Variants in MGMT observed in about 807,000 individuals in gnomAD.
The protein encoded by MGMT is O-6-methylguanine-DNA methyltransferase.
MGMT carries 14 observed loss-of-function variants against 15.9 expected under a neutral mutation model. That is an observed-to-expected ratio of 0.88 (90% CI 0.58 to 1.37). MGMT has a LOEUF of 1.37. Ranked by LOEUF, MGMT falls within the 40% of genes most tolerant of loss-of-function variation. The pLI is 0.00. For missense variants in MGMT, 282 were observed against 268.1 expected, an observed-to-expected ratio of 1.05 and a Z score of -0.36; for synonymous variants, 130 against 118.2, an observed-to-expected ratio of 1.10 and a Z score of -0.65.
chr10:129,740,716 C>T (rs1338696299), intron 3 of MGMT, among the ~76,000 whole-genome samples: 2 of 152,022 alleles, frequency 1.3e-5, no homozygotes, highest in Admixed American at 6.5e-5. Flanking sequence ...TTCAGGAGAG[C>T]GCTGGCCCCA....
At chr10:129,753,219 A>C (rs985549918) in intron 3 of MGMT, among the ~76,000 whole-genome samples, 2 of 152,132 alleles carry the variant, frequency 1.3e-5, no homozygotes, top group Non-Finnish European at 2.9e-5. Context: ...TGCCTTGTAC[A>C]TAATGCATTG....
At chr10:129,585,937 G>T (rs1305274332) in intron 2 of MGMT, among the ~76,000 whole-genome samples, 1 of 152,108 alleles carries the variant, frequency 6.6e-6, no homozygotes, top group Non-Finnish European at 1.5e-5. Context: ...TGGGTGACTT[G>T]AACACAAGCA....
intron 2 of MGMT, among the ~76,000 whole-genome samples, chr10:129,686,057 A>C (rs1420472612): frequency 6.6e-6 from 1 of 152,226 alleles, no homozygotes; most frequent in African/African-American, 2.4e-5. Context: ...TTTAATGTCA[A>C]TTATAAAGAA....
intron 1 of MGMT, among the ~76,000 whole-genome samples, chr10:129,523,690 T>C (rs965129526): frequency 2.3e-5 from 3 of 132,756 alleles, no homozygotes; most frequent in African/African-American, 8.8e-5. Flanking sequence ...TCCCGTTGTC[T>C]AGAGGCTGGG....
intron 2 of MGMT, among the ~76,000 whole-genome samples, chr10:129,560,364 A>T (rs12242318): frequency 0.046 from 7,004 of 152,290 alleles, 552 homozygotes; most frequent in African/African-American, 0.16. Flanking sequence ...TTTTATAGAT[A>T]AATTATGGAA....
chr10:129,748,295 T>C (rs531994691), intron 3 of MGMT, among the ~76,000 whole-genome samples: 1 of 152,312 alleles, frequency 6.6e-6, no homozygotes, highest in South Asian at 2.1e-4. Flanking sequence ...CCAATACTAC[T>C]TTATTTTGTT....
chr10:129,569,501 C>T (rs80145033), intron 2 of MGMT, among the ~76,000 whole-genome samples: 194 of 152,294 alleles, frequency 1.3e-3, no homozygotes, highest in Admixed American at 3.0e-3. Flanking sequence ...CCCTTCCTCC[C>T]GACGTGCTGG....
chr10:129,642,689 C>T (rs965252850), intron 2 of MGMT, among the ~76,000 whole-genome samples: 7 of 152,166 alleles, frequency 4.6e-5, no homozygotes, highest in African/African-American at 1.7e-4. Context: ...GTCACTGTGG[C>T]AGCCAAAAAT....
At chr10:129,761,327 G>C (rs1193918751) in intron 4 of MGMT, among the ~76,000 whole-genome samples, 1 of 152,170 alleles carries the variant, frequency 6.6e-6, no homozygotes, top group African/African-American at 2.4e-5. Flanking sequence ...AGATGGGAGT[G>C]GCCCCGTCAG....
intron 3 of MGMT, among the ~76,000 whole-genome samples, chr10:129,745,016 C>G (rs1848677890): frequency 6.6e-6 from 1 of 152,144 alleles, no homozygotes; most frequent in African/African-American, 2.4e-5. Flanking sequence ...GTGCCTGGTC[C>G]TCCGTGAGTC....
chr10:129,526,798 G>A (rs1371379755), intron 1 of MGMT, among the ~76,000 whole-genome samples: 1 of 152,212 alleles, frequency 6.6e-6, no homozygotes, highest in East Asian at 1.9e-4. Context: ...CCTGGAAAAC[G>A]ACTACCAGTA....
At chr10:129,560,861 T>G (rs1041408653) in intron 2 of MGMT, among the ~76,000 whole-genome samples, 5 of 152,114 alleles carry the variant, frequency 3.3e-5, no homozygotes, top group African/African-American at 1.2e-4. Flanking sequence ...ATTGAAAGCA[T>G]CGAAATATGA....
chr10:129,721,840 AATGT>A (rs1244145565), intron 3 of MGMT, among the ~76,000 whole-genome samples: 1 of 116,298 alleles, frequency 8.6e-6, no homozygotes, highest in African/African-American at 3.0e-5. Flanking sequence ...AGAATGCTAA[AATGT>A]AAAAGAAGAT....
intron 2 of MGMT, among the ~76,000 whole-genome samples, chr10:129,704,757 A>G (rs948970076): frequency 2.0e-5 from 3 of 151,792 alleles, no homozygotes; most frequent in East Asian, 1.9e-4. Flanking sequence ...GGGGGCCCCT[A>G]TGTGCATCTC....
At chr10:129,516,980 C>G (rs1194046694) in intron 1 of MGMT, among the ~76,000 whole-genome samples, 1 of 152,226 alleles carries the variant, frequency 6.6e-6, no homozygotes, top group Non-Finnish European at 1.5e-5. Context: ...GTCGACAGTT[C>G]TACCCCGAGT....
At chr10:129,651,317 G>A (rs79880897) in intron 2 of MGMT, among the ~76,000 whole-genome samples, 1 of 152,182 alleles carries the variant, frequency 6.6e-6, no homozygotes, top group East Asian at 1.9e-4. Context: ...AATTAGTAAT[G>A]TGGTGGTCCC....
intron 2 of MGMT, among the ~76,000 whole-genome samples, chr10:129,662,445 G>A (rs139934560): frequency 1.4e-4 from 22 of 152,182 alleles, no homozygotes; most frequent in East Asian, 3.9e-4. Flanking sequence ...GATTACAGAC[G>A]CTATAAAAGA....
chr10:129,530,744 C>T (rs896812557), intron 1 of MGMT, among the ~76,000 whole-genome samples: 9 of 152,360 alleles, frequency 5.9e-5, no homozygotes, highest in South Asian at 2.1e-4. Flanking sequence ...CCATGGCGGC[C>T]TCAGGGCCCG....
intron 2 of MGMT, among the ~76,000 whole-genome samples, chr10:129,563,376 T>C (rs78550198): frequency 0.032 from 4,936 of 152,240 alleles, 130 homozygotes; most frequent in South Asian, 0.065. Flanking sequence ...GTTGGTGTCC[T>C]GAGGCCGAGT....
Sources: gnomAD v4.1 joint callset for allele counts (sites outside exome capture counted in the v4.1 genomes callset) on GRCh38, gnomAD v4.1.1 for gene constraint, MANE v1.5 for transcripts, NCBI Gene and HGNC (gene_info 2026-07-23, HGNC 2026-07-21) for gene names.